NARS2: variants seen among roughly 807,000 people sequenced by gnomAD.
NARS2 encodes asparaginyl-tRNA synthetase.
A neutral mutation model predicts 62.9 loss-of-function variants in NARS2; 60 were observed. The ratio of observed to expected loss-of-function variants is 0.95; its 90% confidence interval spans 0.77 to 1.18. NARS2 has a LOEUF of 1.18. Among genes scored for constraint, NARS2 ranks in the 50% most tolerant of loss-of-function variants. The pLI is 0.00. For synonymous variants in NARS2, 196 were observed against 200.0 expected (o/e 0.98, Z 0.17); for missense variants, 619 against 576.4 (o/e 1.07, Z -0.76).
At chr11:78,557,015 G>A (rs527358466) in intron 5 of NARS2, among the ~76,000 whole-genome samples, 5 of 152,116 alleles carry the variant, frequency 3.3e-5, no homozygotes, top group Non-Finnish European at 7.3e-5. Context: ...CCAAATGTCC[G>A]TTAATAACGA....
chr11:78,509,696 A>G (rs1028103441), intron 6 of NARS2, among the ~76,000 whole-genome samples: 3 of 152,110 alleles, frequency 2.0e-5, no homozygotes, highest in African/African-American at 7.2e-5. Flanking sequence ...GATATCAACA[A>G]CTGAAAGGGG....
intron 11 of NARS2, among the ~76,000 whole-genome samples, chr11:78,457,655 A>T (rs1256842236): frequency 6.6e-6 from 1 of 152,226 alleles, no homozygotes; most frequent in Admixed American, 6.5e-5. Context: ...AAGTCCCAGT[A>T]TAACGCCTTT....
At chr11:78,506,618 T>C (rs960446387) in intron 6 of NARS2, among the ~76,000 whole-genome samples, 15 of 152,208 alleles carry the variant, frequency 9.9e-5, no homozygotes, top group African/African-American at 3.6e-4. Flanking sequence ...CACTGCTACA[T>C]TCACCTCCTG....
At chr11:78,559,758 A>G (rs1359494546) in intron 4 of NARS2, 139 bp from the exon 5 acceptor site, 1 of 581,132 alleles carries the variant, frequency 1.7e-6, no homozygotes, top group East Asian at 2.9e-5. Context: ...TATTAAGACT[A>G]CTGAAAATCA....
At chr11:78,458,615 C>G (rs926529026) in intron 11 of NARS2, among the ~76,000 whole-genome samples, 1 of 152,204 alleles carries the variant, frequency 6.6e-6, no homozygotes, top group Non-Finnish European at 1.5e-5. Flanking sequence ...CACAGCAGAT[C>G]AACTCACTAC....
In NARS2 at chr11:78,574,789, C is replaced by G; in HGVS notation, c.-301G>C. On this transcript the variant is annotated 5_prime_UTR_variant, in exon 1 of 14. Coordinates refer to ENST00000281038, the MANE Select transcript of NARS2 (RefSeq NM_024678.6). ...ACTACCCGCGACAATTGTAAACCTA[C>G]GAACAGAACCCGGGCCGCAACACGC... 2.8e-6 allele frequency: 1 copy of G among 357,522 alleles called. No homozygotes were observed. Among genetic ancestry groups the G allele is most frequent in the Non-Finnish European group, 5.1e-6 (1 of 195,366 alleles). The allele number at this position is 357,522 out of a possible 1,614,324, so 22.1% of individuals were successfully genotyped here.
intron 9 of NARS2, among the ~76,000 whole-genome samples, chr11:78,477,858 A>C (rs1015821207): frequency 3.3e-5 from 5 of 152,158 alleles, no homozygotes; most frequent in African/African-American, 1.2e-4. Flanking sequence ...CCGAGACTTT[A>C]AATGCAACAA....
chr11:78,526,156 C>A (rs114516649), intron 6 of NARS2, among the ~76,000 whole-genome samples: 2,296 of 152,148 alleles, frequency 0.015, 58 homozygotes, highest in African/African-American at 0.053. Context: ...TTGGTTTTGA[C>A]AAATGTATCA....
At chr11:78,536,314 T>G (rs114638509) in intron 5 of NARS2, among the ~76,000 whole-genome samples, 1,639 of 152,282 alleles carry the variant, frequency 0.011, 35 homozygotes, top group African/African-American at 0.039. Flanking sequence ...AAAAAAGAAG[T>G]TAACTGTAAA....
chr11:78,498,890 C>CTT (rs35157157), intron 6 of NARS2, among the ~76,000 whole-genome samples: 3 of 62,276 alleles, frequency 4.8e-5, no homozygotes, highest in African/African-American at 1.2e-4. Context: ...CATCCTCAGT[C>CTT]TTTTTTTTTT....
intron 6 of NARS2, among the ~76,000 whole-genome samples, chr11:78,497,241 G>GCAAAAAAAA (rs1555023813): frequency 9.3e-6 from 1 of 107,314 alleles, no homozygotes. Context: ...AAGCAAAATT[G>GCAAAAAAAA]AAAAAAAAAA....
intron 6 of NARS2, among the ~76,000 whole-genome samples, chr11:78,516,677 G>C (rs1045946155): frequency 1.3e-5 from 2 of 152,192 alleles, no homozygotes; most frequent in Non-Finnish European, 2.9e-5. Context: ...GATAGTAACA[G>C]AAGCTAAGAC....
Position 78,562,701 on chromosome 11 carries a change from T to C in NARS2, c.514-3082A>G, listed in dbSNP as rs188186805. On this transcript the variant is annotated intron_variant, in intron 4 of 13. Coordinates refer to ENST00000281038, the MANE Select transcript of NARS2 (RefSeq NM_024678.6). ...TTGGCTTTACTGAATGACTCATTCC[T>C]TGAGGATTCTAAATAGCCAAGTTTT... 5.1e-3 allele frequency among the ~76,000 whole-genome samples: 773 copies of C among 152,370 alleles called. 8 individuals carry two copies. The highest frequency in any genetic ancestry group is 9.0e-3 in the Non-Finnish European group (611 of 68,038).
intron 3 of NARS2, among the ~76,000 whole-genome samples, chr11:78,566,753 C>A (rs568593012): frequency 6.6e-6 from 1 of 152,282 alleles, no homozygotes; most frequent in Non-Finnish European, 1.5e-5. Flanking sequence ...CTATTATCAA[C>A]GTGCTACTTC....
At chr11:78,459,662 T>G (rs10899508) in intron 11 of NARS2, among the ~76,000 whole-genome samples, 34,281 of 152,146 alleles carry the variant, frequency 0.23, 4,202 homozygotes, top group East Asian at 0.42. Context: ...CTTTCTGCCA[T>G]GACTGTGAGG....
intron 5 of NARS2, chr11:78,533,426 C>T (rs1861552954): frequency 6.6e-6 from 1 of 152,176 alleles, no homozygotes; most frequent in Admixed American, 6.5e-5. Flanking sequence ...CCTTTTCTCT[C>T]ATTTGAAATT....
rs140538989 is a variant in NARS2, at chr11:78,445,817, A to G, written c.1165-2059T>C. 2.0e-3 allele frequency among the ~76,000 whole-genome samples: 305 copies of G among 152,138 alleles called. 5 individuals are homozygous for G. The highest frequency in any genetic ancestry group is 0.018 in the Admixed American group (270 of 15,282). ...AATTTTAAAATGTTTATTTGCAGCTAGGTGTGGTGGTGCATGCCTGTGGTC... is the reference window on the plus strand; with the variant it reads ...AATTTTAAAATGTTTATTTGCAGCTGGGTGTGGTGGTGCATGCCTGTGGTC... On this transcript the variant is annotated intron_variant, in intron 11 of 13. Transcript: ENST00000281038.
At chr11:78,527,922 C>A (rs1445687427) in intron 6 of NARS2, among the ~76,000 whole-genome samples, 1 of 152,070 alleles carries the variant, frequency 6.6e-6, no homozygotes, top group Non-Finnish European at 1.5e-5. Flanking sequence ...CAGCCTAGGA[C>A]ACATGGTGAG....
chr11:78,556,681 G>A (rs1257036195), intron 5 of NARS2, among the ~76,000 whole-genome samples: 1 of 152,194 alleles, frequency 6.6e-6, no homozygotes. Flanking sequence ...GCAAATGAAA[G>A]TCAATTAAGA....
Sources: gnomAD v4.1 joint callset for allele counts (sites outside exome capture counted in the v4.1 genomes callset) on GRCh38, gnomAD v4.1.1 for gene constraint, MANE v1.5 for transcripts, NCBI Gene and HGNC (gene_info 2026-07-23, HGNC 2026-07-21) for gene names.